The following MMP24 variants were observed in gnomAD, a reference collection of about 807,000 sequenced individuals.
The protein encoded by MMP24 is matrix metallopeptidase 24.
A neutral mutation model predicts 62.8 loss-of-function variants in MMP24; 25 were observed. That is an observed-to-expected ratio of 0.40 (90% CI 0.29 to 0.56). The LOEUF (loss-of-function observed/expected upper bound fraction) is 0.56. Ranked by LOEUF, MMP24 falls within the 20% of genes least tolerant of loss-of-function variation. The pLI is 0.50. For synonymous variants in MMP24, 319 were observed against 350.5 expected (o/e 0.91, Z 1.00); for missense variants, 634 against 853.6 (o/e 0.74, Z 3.21).
rs749015490 is a variant in MMP24 at position 35,274,469 on chromosome 20, G to A, written c.1798G>A (p.Val600Met). The A allele has an allele frequency of 6.2e-6, 10 of 1,613,930 alleles. No homozygotes were observed. Among genetic ancestry groups the A allele is most frequent in the Admixed American group, 3.3e-5 (2 of 60,014 alleles). The change falls in exon 9 of 9, where the codon GTG (valine) becomes ATG (methionine). Residue 600 changes from valine (V) to methionine (M), a missense_variant. Val to Met is a conservative substitution (Grantham distance 21). Around this residue, in one of 3 missense-constraint regions of MMP24, gnomAD observed 399 missense variants for 530.8 expected, o/e 0.75. Coordinates refer to ENST00000246186, the MANE Select transcript of MMP24 (RefSeq NM_006690.4). The surrounding 1 kb of genome is among the most constrained non-coding windows in gnomAD (Gnocchi z 5.1). The part of the protein sequence containing the change: ...MVTINDVPGS[V>M]NAVAVVIPCI... ...GACCATCAACGATGTGCCGGGCTCC[G>A]TGAACGCCGTGGCCGTGGTCATCCC...
Position 35,276,538 on chromosome 20 carries a change from G to A in MMP24, c.*1929G>A, listed in dbSNP as rs1331297710. 6 of 375,682 alleles carry A rather than the reference G, an allele frequency of 1.6e-5. No homozygotes were observed. Among genetic ancestry groups the A allele is most frequent in the Non-Finnish European group, 1.4e-5 (3 of 211,542 alleles). 23.3% of individuals were successfully genotyped at this position (375,682 alleles called of 1,614,324 possible). The stretch of plus-strand genomic sequence containing the variant: ...GTCCCCATCTGTGGACCCCTCTAGG[G>A]TCTGAGATGAGATGAGAAGTGTCTC... On this transcript the variant is annotated 3_prime_UTR_variant, in exon 9 of 9. Coordinates refer to ENST00000246186, the MANE Select transcript of MMP24 (RefSeq NM_006690.4).
At chr20:35,257,821 G>C (rs1215301633) in intron 4 of MMP24, among the ~76,000 whole-genome samples, 1 of 152,206 alleles carries the variant, frequency 6.6e-6, no homozygotes, top group Non-Finnish European at 1.5e-5. Context: ...TCAGGACTTT[G>C]CTCTGCTCTG....
At chr20:35,227,022 G>A in intron 1 of MMP24, 38 bp downstream of exon 1, 2 of 979,976 alleles carry the variant, frequency 2.0e-6, no homozygotes, top group South Asian at 9.0e-5. Context: ...CGGGCTCGGG[G>A]CATCCGGGCA....
intron 5 of MMP24, 40 bp downstream of exon 5, chr20:35,263,992 G>C (rs918703393): frequency 6.5e-7 from 1 of 1,548,806 alleles, no homozygotes; most frequent in African/African-American, 1.4e-5. Flanking sequence ...CTTCCTCGGG[G>C]CTGGGCTGTG....
chr20:35,261,925 G>A (rs539202481), intron 4 of MMP24, among the ~76,000 whole-genome samples: 18 of 150,928 alleles, frequency 1.2e-4, no homozygotes, highest in African/African-American at 3.7e-4. Context: ...CTCTACCTCC[G>A]GAGTAGCTGG....
intron 4 of MMP24, among the ~76,000 whole-genome samples, chr20:35,260,100 C>A (rs549657021): frequency 6.6e-6 from 1 of 152,234 alleles, no homozygotes; most frequent in South Asian, 2.1e-4. Context: ...GAGTGAAGAC[C>A]CTAGCAGCCT....
At chr20:35,270,259 G>A (rs899006871) in intron 7 of MMP24, among the ~76,000 whole-genome samples, 2 of 152,222 alleles carry the variant, frequency 1.3e-5, no homozygotes, top group Non-Finnish European at 2.9e-5. Flanking sequence ...TGCCCACCCT[G>A]TACCCAGCAC....
chr20:35,252,634 G>A (rs2060553048), intron 3 of MMP24, among the ~76,000 whole-genome samples: 1 of 152,220 alleles, frequency 6.6e-6, no homozygotes, highest in South Asian at 2.1e-4. Context: ...TCATAATAGT[G>A]TCATCTTTGA....
At chr20:35,244,589 C>T (rs538499848) in intron 1 of MMP24, among the ~76,000 whole-genome samples, 7 of 151,866 alleles carry the variant, frequency 4.6e-5, no homozygotes, top group Admixed American at 1.3e-4. Flanking sequence ...TACAGGCACC[C>T]GTCACCATGC....
chr20:35,256,714 C>CA (rs74173944), intron 4 of MMP24, among the ~76,000 whole-genome samples: 764 of 39,536 alleles, frequency 0.019, 68 homozygotes, highest in East Asian at 0.053. Context: ...GATTCCGTCT[C>CA]AAAAAAAAAA....
Position 35,263,796 on chromosome 20 carries a change from G to A in MMP24, c.823G>A (p.Asp275Asn), listed in dbSNP as rs376734021. 4 of 1,566,600 alleles carry A rather than the reference G, an allele frequency of 2.6e-6. No homozygotes were observed. Among genetic ancestry groups the A allele is most frequent in the Non-Finnish European group, 3.5e-6 (4 of 1,156,350 alleles). The part of the protein sequence containing the change: ...TLGNANHDGN[D>N]LFLVAVHELG... ...CCCCACACTCCTCTCCACAGGGAAC[G>A]ACCTCTTCCTGGTGGCTGTGCATGA... is the stretch of plus-strand genomic sequence containing the variant. Residue 275 changes from aspartate to asparagine, a missense_variant, in exon 5 of 9, where the codon GAC (aspartate) becomes AAC (asparagine). By Grantham distance (23) the Asp-to-Asn change is conservative. This residue lies in a region of MMP24 where 399 missense variants were observed against 530.8 expected (regional missense o/e 0.75). Transcript: ENST00000246186.
chr20:35,252,283 G>A (rs533693329), intron 3 of MMP24, among the ~76,000 whole-genome samples: 1 of 152,266 alleles, frequency 6.6e-6, no homozygotes, highest in South Asian at 2.1e-4. Context: ...CTGTTTAGAT[G>A]CCTATAGTTT....
chr20:35,269,670 G>C lies in MMP24; in HGVS notation c.1195-90G>C. 1 of 1,450,510 alleles carries C rather than the reference G, an allele frequency of 6.9e-7. No individual in the cohort carries two copies. The highest frequency in any genetic ancestry group is 9.2e-7 in the Non-Finnish European group (1 of 1,081,456). 89.9% of individuals were successfully genotyped at this position (1,450,510 alleles called of 1,614,324 possible). On this transcript the variant is annotated intron_variant, in intron 6 of 8. Coordinates refer to ENST00000246186, the MANE Select transcript of MMP24 (RefSeq NM_006690.4). This position sits in a 1 kb window ranked among gnomAD's most constrained non-coding sequence, Gnocchi z 4.6. ...ATGGACAGTCTCGGTGGAGGGCTGG[G>C]CTGTTGGGACCTAAGCCCCACAGCT...
chr20:35,271,948 G>C lies in MMP24; in HGVS notation c.1600+113G>C. ...GCGTCCAGGTTTGAAAAAACACCTG[G>C]TGGCAGACAACTGCCTCATATCTAC... On this transcript the variant is annotated intron_variant, in intron 8 of 8. Transcript: ENST00000246186. The surrounding 1 kb of genome is among the most constrained non-coding windows in gnomAD (Gnocchi z 4.0). 1.6e-6 allele frequency: 2 copies of C among 1,219,996 alleles called. No individual in the cohort carries two copies. Among genetic ancestry groups the C allele is most frequent in the Non-Finnish European group, 2.2e-6 (2 of 901,066 alleles). 75.6% of individuals were successfully genotyped at this position (1,219,996 alleles called of 1,614,324 possible).
rs2060689808 is a variant in MMP24 at position 35,274,202 on chromosome 20, C to T, written c.1601-70C>T. Reference sequence around the variant, plus strand: ...CCCTTGCCACAGTGCCTGTGCCCTCCTTTTCACACTGCCCCAGAGCAGGTG... The same window carrying T: ...CCCTTGCCACAGTGCCTGTGCCCTCTTTTTCACACTGCCCCAGAGCAGGTG... On this transcript the variant is annotated intron_variant, in intron 8 of 8. Coordinates refer to ENST00000246186, the MANE Select transcript of MMP24 (RefSeq NM_006690.4). The surrounding 1 kb of genome is among the most constrained non-coding windows in gnomAD (Gnocchi z 5.1). The T allele has an allele frequency of 3.1e-5, 45 of 1,473,208 alleles. No homozygotes were observed. Among genetic ancestry groups the T allele is most frequent in the Non-Finnish European group, 4.0e-5 (43 of 1,084,474 alleles). The allele number at this position is 1,473,208 out of a possible 1,614,324, so 91.3% of individuals were successfully genotyped here. A position where few individuals can be genotyped will look rare whatever the true frequency, so the allele number is the denominator to read the frequency against.
chr20:35,268,733 C>G (rs1367940412), intron 6 of MMP24, among the ~76,000 whole-genome samples: 1 of 152,164 alleles, frequency 6.6e-6, no homozygotes. Flanking sequence ...CATAAGAAAA[C>G]TGAGGCCTGG....
Position 35,275,817 on chromosome 20 carries a change from C to T in MMP24, c.*1208C>T, listed in dbSNP as rs921512255. On this transcript the variant is annotated 3_prime_UTR_variant, in exon 9 of 9. Transcript: ENST00000246186. ...GACCTCGCTCACTGGGCCCATCTTC[C>T]CACACTGCTCTTAGAAGGACACCCC... 2.5e-6 allele frequency: 1 copy of T among 393,510 alleles called. No homozygotes were observed. Among genetic ancestry groups the T allele is most frequent in the Non-Finnish European group, 4.5e-6 (1 of 223,454 alleles). The allele number at this position is 393,510 out of a possible 1,614,324, so 24.4% of individuals were successfully genotyped here. A position where few individuals can be genotyped will look rare whatever the true frequency, so the allele number is the denominator to read the frequency against.
At chr20:35,253,899 C>G (rs1419253460) in intron 3 of MMP24, among the ~76,000 whole-genome samples, 1 of 136,978 alleles carries the variant, frequency 7.3e-6, no homozygotes, top group Non-Finnish European at 1.5e-5. Context: ...GACAGAGTCT[C>G]ACTCTTGTTA....
At chr20:35,265,753 T>C (rs986769979) in intron 5 of MMP24, among the ~76,000 whole-genome samples, 8 of 152,010 alleles carry the variant, frequency 5.3e-5, no homozygotes, top group Non-Finnish European at 1.2e-4. Flanking sequence ...ATTTCAGTTA[T>C]AGTTCTTTAG....
Sources: gnomAD v4.1 joint callset for allele counts (sites outside exome capture counted in the v4.1 genomes callset) on GRCh38, gnomAD v4.1.1 for gene constraint, gnomAD v4.1.1 regional missense constraint, Gnocchi (gnomAD v3.1) non-coding constraint, MANE v1.5 for transcripts, NCBI Gene and HGNC (gene_info 2026-07-23, HGNC 2026-07-21) for gene names.